The following RCBTB1 variants were observed in gnomAD, a reference collection of about 807,000 sequenced individuals.
RCBTB1 encodes RCC1 and BTB domain containing protein 1.
RCBTB1 carries 46 observed loss-of-function variants against 62.4 expected under a neutral mutation model. The ratio of observed to expected loss-of-function variants is 0.74; its 90% CI spans 0.58 to 0.94. RCBTB1 has a LOEUF of 0.94. RCBTB1 is among the 40% of genes least tolerant of loss of function. The pLI is 0.00. For missense variants in RCBTB1, 565 were observed against 654.9 expected, an observed-to-expected ratio of 0.86 and a Z score of 1.50; for synonymous variants, 222 against 245.8, an observed-to-expected ratio of 0.90 and a Z score of 0.91.
intron 4 of RCBTB1, among the ~76,000 whole-genome samples, chr13:49,565,432 G>A (rs1208141485): frequency 1.3e-5 from 2 of 151,644 alleles, no homozygotes; most frequent in African/African-American, 2.4e-5. Flanking sequence ...CTGCCCGGCC[G>A]CCACCCCGTC....
intron 2 of RCBTB1, among the ~76,000 whole-genome samples, chr13:49,575,158 C>A (rs1963688589): frequency 6.6e-6 from 1 of 152,032 alleles, no homozygotes; most frequent in Admixed American, 6.6e-5. Context: ...AAAAAATATT[C>A]AACATCACTA....
intron 1 of RCBTB1, among the ~76,000 whole-genome samples, chr13:49,583,101 T>C (rs574098834): frequency 2.0e-5 from 3 of 151,966 alleles, no homozygotes; most frequent in Admixed American, 1.3e-4. Context: ...AGCCTGGGAG[T>C]TTGAGGCTGC....
chr13:49,559,104 G>T (rs1432338888), intron 5 of RCBTB1, among the ~76,000 whole-genome samples: 1 of 152,158 alleles, frequency 6.6e-6, no homozygotes, highest in Non-Finnish European at 1.5e-5. Context: ...TGGTAAAACT[G>T]GTTTCATTAC....
chr13:49,555,342 A>G (rs1433294489), intron 6 of RCBTB1, among the ~76,000 whole-genome samples, 173 bp downstream of exon 6: 1 of 152,268 alleles, frequency 6.6e-6, no homozygotes, highest in East Asian at 1.9e-4. Flanking sequence ...TAGAAAAGTC[A>G]TACTGAGGAG....
chr13:49,549,197 C>T (rs1176093679), intron 9 of RCBTB1, among the ~76,000 whole-genome samples: 1 of 150,438 alleles, frequency 6.6e-6, no homozygotes, highest in East Asian at 1.9e-4. Context: ...TAAACTGTAC[C>T]CTTTACAATG....
At chr13:49,561,286 C>T (rs1396309910) in intron 4 of RCBTB1, among the ~76,000 whole-genome samples, 1 of 152,188 alleles carries the variant, frequency 6.6e-6, no homozygotes, top group Admixed American at 6.5e-5. Flanking sequence ...CCAGGGGAAA[C>T]AGACTTCTAC....
intron 9 of RCBTB1, chr13:49,547,294 T>C: frequency 1.5e-6 from 1 of 647,870 alleles, no homozygotes; most frequent in South Asian, 1.9e-5. Flanking sequence ...CTTGCCTCCA[T>C]GCCCATGACT....
chr13:49,567,121 C>T, intron 3 of RCBTB1, 33 bp downstream of exon 3: 1 of 1,609,830 alleles, frequency 6.2e-7, no homozygotes, highest in Non-Finnish European at 8.5e-7. Flanking sequence ...CAAATAAGTC[C>T]TAAAACGAAA....
rs2139134588 is a variant in RCBTB1, at chr13:49,541,723, T to C, written c.1277A>G (p.Gln426Arg). 2 of 1,614,088 alleles carry C rather than the reference T, an allele frequency of 1.2e-6. No homozygotes were observed. Among genetic ancestry groups the C allele is most frequent in the African/African-American group, 1.3e-5 (1 of 75,028 alleles). Residue 426 changes from glutamine to arginine, a missense_variant, in exon 11 of 13, where the codon CAG becomes CGG. Physicochemically the swap from Gln to Arg is conservative, Grantham distance 43 (BLOSUM62 1). Transcript: ENST00000378302. ...GTCGACTGTGTCTGTGTAGAGGTACTGGAGAAAGGCACGATACACTGGGTA... is the reference window on the plus strand; with the variant it reads ...GTCGACTGTGTCTGTGTAGAGGTACCGGAGAAAGGCACGATACACTGGGTA... ...FSYPVYRAFLQYLYTDTVDLP... is the reference protein window; with the variant it reads ...FSYPVYRAFLRYLYTDTVDLP...
intron 4 of RCBTB1, among the ~76,000 whole-genome samples, chr13:49,565,752 G>A (rs1448237705): frequency 6.3e-4 from 92 of 145,080 alleles, no homozygotes; most frequent in African/African-American, 1.7e-3. Context: ...CCGCCACCCC[G>A]TCTGGGAGGT....
At chr13:49,544,914 A>C in intron 9 of RCBTB1, 51 bp from the exon 10 acceptor site, 1 of 1,495,164 alleles carries the variant, frequency 6.7e-7, no homozygotes, top group Non-Finnish European at 9.1e-7. Context: ...AACAGATTGA[A>C]GATTCAAAAG....
intron 9 of RCBTB1, chr13:49,546,371 G>A (rs566892292): frequency 5.0e-5 from 49 of 985,268 alleles, no homozygotes; most frequent in Non-Finnish European, 5.9e-5. Context: ...GGAAGGGAAA[G>A]AAGTTATCTA....
chr13:49,552,087 G>A (rs1961411098), intron 7 of RCBTB1, 91 bp downstream of exon 7: 2 of 809,284 alleles, frequency 2.5e-6, no homozygotes, highest in African/African-American at 1.7e-5. Context: ...TGCCAGAAAA[G>A]ACTGACTGAA....
chr13:49,553,873 T>C (rs1248334675), intron 6 of RCBTB1, among the ~76,000 whole-genome samples: 1 of 152,244 alleles, frequency 6.6e-6, no homozygotes, highest in Non-Finnish European at 1.5e-5. Flanking sequence ...AGAAATTCTT[T>C]GGAAATTTAT....
chr13:49,566,294 A>ATAAATAAATAAT (rs1018163698), intron 4 of RCBTB1, among the ~76,000 whole-genome samples: 1 of 89,866 alleles, frequency 1.1e-5, no homozygotes, highest in African/African-American at 7.5e-5. Context: ...AAATAAATAA[A>ATAAATAAATAAT]TAAATAAATA....
chr13:49,572,837 A>G (rs1594342766), intron 2 of RCBTB1, among the ~76,000 whole-genome samples: 1 of 152,212 alleles, frequency 6.6e-6, no homozygotes, highest in East Asian at 1.9e-4. Context: ...AGAGGGTTGC[A>G]CAATAATTTA....
chr13:49,543,696 T>C (rs1358225738), intron 10 of RCBTB1, among the ~76,000 whole-genome samples: 2 of 152,186 alleles, frequency 1.3e-5, no homozygotes, highest in Non-Finnish European at 2.9e-5. Flanking sequence ...AACTATATCT[T>C]AAAAACTTTT....
Position 49,534,057 on chromosome 13 carries a change from C to A in RCBTB1, c.*65G>T. 2 of 1,533,810 alleles carry A rather than the reference C, an allele frequency of 1.3e-6. No homozygotes were observed. The highest frequency in any genetic ancestry group is 8.8e-7 in the Non-Finnish European group (1 of 1,131,596). On this transcript the variant is annotated 3_prime_UTR_variant, in exon 13 of 13. Transcript: ENST00000378302. ...CTGCAGAATCACATCACCCGTAGAG[C>A]ACAAACTGGACACATCCTCAACAGT...
At chr13:49,564,477 T>C (rs952415010) in intron 4 of RCBTB1, among the ~76,000 whole-genome samples, 1 of 147,968 alleles carries the variant, frequency 6.8e-6, no homozygotes, top group Admixed American at 6.8e-5. Flanking sequence ...TCTCAGCTAC[T>C]CGGGAGGTTG....
Sources: gnomAD v4.1 joint callset for allele counts (sites outside exome capture counted in the v4.1 genomes callset) on GRCh38, gnomAD v4.1.1 for gene constraint, MANE v1.5 for transcripts, NCBI Gene and HGNC (gene_info 2026-07-23, HGNC 2026-07-21) for gene names.